CSMD1: variants seen among roughly 807,000 people sequenced by gnomAD.
CSMD1 encodes CUB and Sushi multiple domains 1, also known as CUB and sushi domain-containing protein 1.
Under a neutral mutation model 417.5 loss-of-function variants are expected in CSMD1, and 213 were observed. That is an observed-to-expected ratio of 0.51 (90% confidence interval 0.46 to 0.57). The LOEUF is 0.57. Among genes scored for constraint, CSMD1 ranks in the 20% least tolerant of loss-of-function variants. The pLI is 0.00. For missense variants in CSMD1, 6,923 were observed against 4,529.7 expected (o/e 1.53, Z -15.17); for synonymous variants, 2,862 against 1,736.8 (o/e 1.65, Z -16.11).
intron 5 of CSMD1, among the ~76,000 whole-genome samples, chr8:3,875,653 T>C (rs1178109363): frequency 2.0e-5 from 3 of 151,898 alleles, no homozygotes; most frequent in Admixed American, 6.6e-5. Context: ...AGCATGGAAG[T>C]GGGTGGTGAA....
chr8:4,440,268 A>T (rs75546483), intron 2 of CSMD1, among the ~76,000 whole-genome samples: 14,737 of 152,220 alleles, frequency 0.097, 989 homozygotes, highest in Admixed American at 0.2. Flanking sequence ...TATTTATAAG[A>T]TGCTCACAGC....
At chr8:3,912,735 G>C (rs1451063058) in intron 5 of CSMD1, among the ~76,000 whole-genome samples, 1 of 152,166 alleles carries the variant, frequency 6.6e-6, no homozygotes, top group African/African-American at 2.4e-5. Context: ...AGATGAGCCT[G>C]AAGAGGCAGA....
At position 4,464,686 on chromosome 8, in the gene CSMD1, G is replaced by A. The variant is rs142923369; in HGVS notation, c.303-44621C>T. On this transcript the variant is annotated intron_variant, in intron 2 of 69. Transcript: ENST00000635120. ...CGCCTGTAGTCAATCCTGTAATATA[G>A]CCAAACTCTGTATTGTTGTGTTTTA... 3.1e-3 allele frequency among the ~76,000 whole-genome samples: 465 copies of A among 152,172 alleles called. 6 individuals carry two copies. Among genetic ancestry groups the A allele is most frequent in the African/African-American group, 0.01 (420 of 41,514 alleles).
At chr8:4,025,611 C>A (rs796915696) in intron 4 of CSMD1, among the ~76,000 whole-genome samples, 2 of 151,980 alleles carry the variant, frequency 1.3e-5, no homozygotes, top group Non-Finnish European at 2.9e-5. Context: ...TTAAGACTGG[C>A]AGAACATGCC....
At chr8:4,716,994 T>C (rs560683637) in intron 1 of CSMD1, among the ~76,000 whole-genome samples, 2 of 152,268 alleles carry the variant, frequency 1.3e-5, no homozygotes, top group South Asian at 2.1e-4. Flanking sequence ...TCTCCTGGTA[T>C]AGAAGCCTGG....
intron 5 of CSMD1, among the ~76,000 whole-genome samples, chr8:3,789,605 A>G (rs983853975): frequency 4.6e-5 from 7 of 151,868 alleles, no homozygotes; most frequent in Non-Finnish European, 7.4e-5. Context: ...GAGATACTGA[A>G]TAATTCTTTT....
chr8:3,914,981 A>G (rs1808716713), intron 5 of CSMD1, among the ~76,000 whole-genome samples: 2 of 152,202 alleles, frequency 1.3e-5, no homozygotes, highest in East Asian at 3.9e-4. Context: ...TGAAAGCTGA[A>G]CGGAACAGCC....
chr8:3,848,377 T>C (rs555689408), intron 5 of CSMD1, among the ~76,000 whole-genome samples: 1 of 152,288 alleles, frequency 6.6e-6, no homozygotes, highest in East Asian at 1.9e-4. Flanking sequence ...ACTCATTTTT[T>C]TTCTCAGCCT....
chr8:3,894,012 A>T (rs1807174226), intron 5 of CSMD1, among the ~76,000 whole-genome samples: 2 of 151,860 alleles, frequency 1.3e-5, no homozygotes. Flanking sequence ...TAATAATGTA[A>T]AACTCCCATA....
At chr8:4,853,636 G>T (rs890243106) in intron 1 of CSMD1, among the ~76,000 whole-genome samples, 1 of 152,208 alleles carries the variant, frequency 6.6e-6, no homozygotes, top group Non-Finnish European at 1.5e-5. Context: ...GGAACCCCAT[G>T]GAATGTCCCC....
chr8:3,023,012 T>C (rs1395552348), intron 51 of CSMD1, among the ~76,000 whole-genome samples: 4 of 152,210 alleles, frequency 2.6e-5, no homozygotes, highest in Non-Finnish European at 5.9e-5. Context: ...CATTGACTTG[T>C]GAGAATATTA....
chr8:4,491,474 G>T (rs1456657735), intron 2 of CSMD1, among the ~76,000 whole-genome samples: 6 of 152,064 alleles, frequency 3.9e-5, no homozygotes, highest in Non-Finnish European at 7.3e-5. Flanking sequence ...AACAGCTATG[G>T]ACTTTTGTTG....
intron 3 of CSMD1, among the ~76,000 whole-genome samples, chr8:4,037,536 A>G (rs1249557625): frequency 6.6e-6 from 1 of 152,216 alleles, no homozygotes; most frequent in East Asian, 1.9e-4. Flanking sequence ...AATTTGAAAA[A>G]CACAAATCAG....
chr8:3,614,805 A>G (rs1197379180), intron 8 of CSMD1, among the ~76,000 whole-genome samples: 2 of 152,050 alleles, frequency 1.3e-5, no homozygotes, highest in African/African-American at 4.8e-5. Context: ...AAGATAAGAC[A>G]CTCTCCATTC....
chr8:4,275,527 C>A (rs900503122), intron 3 of CSMD1, among the ~76,000 whole-genome samples: 1 of 152,078 alleles, frequency 6.6e-6, no homozygotes, highest in African/African-American at 2.4e-5. Context: ...GCTTTTGTAA[C>A]TGTTACACAT....
At chr8:3,377,168 C>T (rs975608085) in intron 18 of CSMD1, among the ~76,000 whole-genome samples, 1 of 152,138 alleles carries the variant, frequency 6.6e-6, no homozygotes, top group Non-Finnish European at 1.5e-5. Context: ...GCCAATACCC[C>T]CAGCTAATTT....
At chr8:4,623,300 C>T (rs976183019) in intron 2 of CSMD1, among the ~76,000 whole-genome samples, 2 of 152,152 alleles carry the variant, frequency 1.3e-5, no homozygotes, top group Non-Finnish European at 2.9e-5. Flanking sequence ...ACACTCTACA[C>T]TCATTACAAT....
At chr8:4,462,089 G>A (rs1450171736) in intron 2 of CSMD1, among the ~76,000 whole-genome samples, 2 of 150,822 alleles carry the variant, frequency 1.3e-5, no homozygotes, top group Non-Finnish European at 3.0e-5. Flanking sequence ...TGCACAGGCT[G>A]GTCTCAAACT....
At chr8:3,304,174 G>A (rs1804629738) in intron 25 of CSMD1, among the ~76,000 whole-genome samples, 1 of 152,022 alleles carries the variant, frequency 6.6e-6, no homozygotes, top group African/African-American at 2.4e-5. Context: ...TAAATGCATA[G>A]TAATGATTAC....
Sources: gnomAD v4.1 joint callset for allele counts (sites outside exome capture counted in the v4.1 genomes callset) on GRCh38, gnomAD v4.1.1 for gene constraint, MANE v1.5 for transcripts, NCBI Gene and HGNC (gene_info 2026-07-23, HGNC 2026-07-21) for gene names.